The following ADAMTS17 variants were observed in gnomAD, a reference collection of about 807,000 sequenced individuals.
The protein encoded by ADAMTS17 is ADAM metallopeptidase with thrombospondin type 1 motif 17.
ADAMTS17 carries 113 observed loss-of-function variants against 141.5 expected under a neutral mutation model. The ratio of observed to expected loss-of-function variants is 0.80; its 90% CI spans 0.69 to 0.93. The LOEUF (loss-of-function observed/expected upper bound fraction) is 0.93. Among genes scored for constraint, ADAMTS17 ranks in the 40% least tolerant of loss-of-function variants. The pLI, the probability that ADAMTS17 is intolerant of heterozygous loss-of-function variation, is 0.00. For missense variants in ADAMTS17, 1,659 were observed against 1,517.9 expected (o/e 1.09, Z -1.54); for synonymous variants, 768 against 630.6 (o/e 1.22, Z -3.27).
Position 100,054,009 on chromosome 15 carries a change from A to G in ADAMTS17, c.2183T>C (p.Ile728Thr). 2 of 1,614,180 alleles carry G rather than the reference A, an allele frequency of 1.2e-6. No homozygotes were observed. The highest frequency in any genetic ancestry group is 1.7e-6 in the Non-Finnish European group (2 of 1,180,028). The change falls in exon 16 of 22, where the codon ATA (isoleucine) becomes ACA (threonine). Residue 728 changes from isoleucine to threonine, a missense_variant. Ile to Thr is a moderately conservative substitution (Grantham distance 89). Transcript: ENST00000268070. Reference sequence around the variant, plus strand: ...AATCTGGAACTCTCCGGGGAGCTCTATCTTCCAGTCACTGTTGATGGACCC... The same window carrying G: ...AATCTGGAACTCTCCGGGGAGCTCTGTCTTCCAGTCACTGTTGATGGACCC... ...GKGSINSDWK[I>T]ELPGEFQIAG...
At chr15:100,084,022 A>G (rs2034923573) in intron 15 of ADAMTS17, among the ~76,000 whole-genome samples, 1 of 151,914 alleles carries the variant, frequency 6.6e-6, no homozygotes, top group South Asian at 2.1e-4. Context: ...GTGCACCGTG[A>G]GTGAGCCGAA....
chr15:100,143,174 C>CT, intron 10 of ADAMTS17, among the ~76,000 whole-genome samples: 1 of 152,270 alleles, frequency 6.6e-6, no homozygotes, highest in South Asian at 2.1e-4. Context: ...AGCGGTGGGA[C>CT]TTTGTGAGGC....
chr15:100,167,378 G>A (rs369129012), intron 8 of ADAMTS17, among the ~76,000 whole-genome samples: 7 of 152,152 alleles, frequency 4.6e-5, no homozygotes, highest in East Asian at 3.9e-4. Context: ...CTGTTATCAC[G>A]TACTGACTCT....
In ADAMTS17 at chr15:100,104,393, C is replaced by G. The variant is rs149058598; in HGVS notation, c.2016+4596G>C. 1.2e-4 allele frequency among the ~76,000 whole-genome samples: 18 copies of G among 152,318 alleles called. 1 individual carries two copies. The highest frequency in any genetic ancestry group is 4.1e-4 in the African/African-American group (17 of 41,562). Reference sequence around the variant, plus strand: ...AGCATGTTAAATAATTTGTGACTCACTGAAATGAAACTTAATTCAGTCCTC... The same window carrying G: ...AGCATGTTAAATAATTTGTGACTCAGTGAAATGAAACTTAATTCAGTCCTC... On this transcript the variant is annotated intron_variant, in intron 14 of 21. Coordinates refer to ENST00000268070, the MANE Select transcript of ADAMTS17 (RefSeq NM_139057.4).
Position 100,286,025 on chromosome 15 carries a change from C to T in ADAMTS17, c.617-4624G>A, listed in dbSNP as rs183452705. ...CTTCAATGCCCGAACAGGGTGCTTCCCAGGGGCGGCCCATCATAGCTCCTT... is the reference window on the plus strand; with the variant it reads ...CTTCAATGCCCGAACAGGGTGCTTCTCAGGGGCGGCCCATCATAGCTCCTT... On this transcript the variant is annotated intron_variant, in intron 3 of 21. Transcript: ENST00000268070. 2.5e-3 allele frequency among the ~76,000 whole-genome samples: 381 copies of T among 152,270 alleles called. 4 individuals are homozygous for T. The highest frequency in any genetic ancestry group is 0.012 in the Admixed American group (176 of 15,294).
chr15:100,213,012 A>T (rs993958143), intron 7 of ADAMTS17, among the ~76,000 whole-genome samples: 10 of 152,198 alleles, frequency 6.6e-5, no homozygotes, highest in Non-Finnish European at 1.3e-4. Context: ...GAAGAAAAAC[A>T]GCTGAGGGAT....
chr15:100,224,234 T>C (rs765669246), intron 7 of ADAMTS17, among the ~76,000 whole-genome samples: 1 of 152,108 alleles, frequency 6.6e-6, no homozygotes, highest in Non-Finnish European at 1.5e-5. Flanking sequence ...ATGTCCACAC[T>C]GCCCACCGCC....
intron 7 of ADAMTS17, among the ~76,000 whole-genome samples, chr15:100,240,224 G>A (rs750238714): frequency 6.6e-6 from 1 of 152,196 alleles, no homozygotes; most frequent in African/African-American, 2.4e-5. Flanking sequence ...ACTGCCACCA[G>A]AGACCAGAGC....
At chr15:100,282,946 C>T (rs1181458662) in intron 3 of ADAMTS17, among the ~76,000 whole-genome samples, 2 of 152,152 alleles carry the variant, frequency 1.3e-5, no homozygotes, top group Non-Finnish European at 2.9e-5. Flanking sequence ...AAAATAAATA[C>T]TAAAACACCT....
chr15:100,208,567 T>C (rs761891839), intron 7 of ADAMTS17, among the ~76,000 whole-genome samples: 1 of 152,174 alleles, frequency 6.6e-6, no homozygotes, highest in Non-Finnish European at 1.5e-5. Flanking sequence ...AGAAGGGGCA[T>C]GAAGAGGCCC....
At chr15:100,208,941 C>G (rs2141700683) in intron 7 of ADAMTS17, among the ~76,000 whole-genome samples, 1 of 152,174 alleles carries the variant, frequency 6.6e-6, no homozygotes, top group South Asian at 2.1e-4. Context: ...TTTCTCGGAC[C>G]ATATGAGCCA....
chr15:100,290,282 C>A (rs1164584553), intron 3 of ADAMTS17, among the ~76,000 whole-genome samples: 1 of 152,010 alleles, frequency 6.6e-6, no homozygotes, highest in African/African-American at 2.4e-5. Flanking sequence ...ATAAAATACC[C>A]AGGAATAAGG....
intron 3 of ADAMTS17, among the ~76,000 whole-genome samples, chr15:100,288,492 G>A (rs955192644): frequency 6.6e-6 from 1 of 152,168 alleles, no homozygotes; most frequent in Admixed American, 6.5e-5. Context: ...TTCAGGACGT[G>A]AACTCAACAC....
intron 3 of ADAMTS17, among the ~76,000 whole-genome samples, chr15:100,317,138 A>AC: frequency 6.6e-6 from 1 of 152,254 alleles, no homozygotes; most frequent in East Asian, 1.9e-4. Context: ...CTCAAAAAAA[A>AC]ATCCTAAGAT....
chr15:100,144,431 T>C (rs1365868416), intron 10 of ADAMTS17, among the ~76,000 whole-genome samples: 2 of 152,074 alleles, frequency 1.3e-5, no homozygotes, highest in African/African-American at 4.8e-5. Context: ...GCACCTGTAA[T>C]CCCAGCTTCT....
At chr15:100,250,374 G>C (rs2043116877) in intron 7 of ADAMTS17, among the ~76,000 whole-genome samples, 1 of 152,156 alleles carries the variant, frequency 6.6e-6, no homozygotes, top group Admixed American at 6.5e-5. Context: ...TGGATCCTGA[G>C]GTTTCAAGGC....
At chr15:100,153,874 TG>T (rs2141364026) in intron 9 of ADAMTS17, among the ~76,000 whole-genome samples, 1 of 152,138 alleles carries the variant, frequency 6.6e-6, no homozygotes, top group East Asian at 1.9e-4. Flanking sequence ...GCTGTGTACA[TG>T]AGCAAATAAA....
intron 20 of ADAMTS17, among the ~76,000 whole-genome samples, chr15:99,990,099 A>G (rs560836332): frequency 4.6e-5 from 7 of 152,322 alleles, no homozygotes; most frequent in Admixed American, 2.0e-4. Context: ...GCAGTGGTGC[A>G]ATAATGGCTC....
At chr15:100,133,353 AC>A in intron 10 of ADAMTS17, 38 bp from the exon 11 acceptor site, 1 of 1,539,148 alleles carries the variant, frequency 6.5e-7, no homozygotes, top group Middle Eastern at 1.7e-4. Flanking sequence ...TGTGGAGAAC[AC>A]CCACACTCAC....
Sources: gnomAD v4.1 joint callset for allele counts (sites outside exome capture counted in the v4.1 genomes callset) on GRCh38, gnomAD v4.1.1 for gene constraint, MANE v1.5 for transcripts, NCBI Gene and HGNC (gene_info 2026-07-23, HGNC 2026-07-21) for gene names.